The following CCDC90B variants were observed in gnomAD, a reference collection of about 807,000 sequenced individuals.
CCDC90B encodes the protein coiled-coil domain-containing protein 90B, mitochondrial.
A neutral mutation model predicts 37.0 loss-of-function variants in CCDC90B; 24 were observed. The observed-to-expected ratio is 0.65, with a 90% CI of 0.47 to 0.91. The LOEUF (loss-of-function observed/expected upper bound fraction) is 0.91, where lower values mean the gene tolerates loss of function less well. CCDC90B is among the 40% of genes least tolerant of loss of function. The pLI is 0.00. For synonymous variants in CCDC90B, 113 were observed against 101.1 expected (o/e 1.12, Z -0.71); for missense variants, 319 against 299.0 (o/e 1.07, Z -0.49).
At chr11:83,264,082 G>A (rs1275250113) in intron 8 of CCDC90B, among the ~76,000 whole-genome samples, 1 of 151,866 alleles carries the variant, frequency 6.6e-6, no homozygotes, top group Non-Finnish European at 1.5e-5. Context: ...ACTAGCACAG[G>A]GCCACCAAGA....
intron 8 of CCDC90B, among the ~76,000 whole-genome samples, chr11:83,263,923 A>T (rs547280468): frequency 6.6e-6 from 1 of 152,210 alleles, no homozygotes. Context: ...TGGCACCTCA[A>T]CATCAGTAGT....
At chr11:83,271,867 A>G (rs1864695442) in intron 7 of CCDC90B, among the ~76,000 whole-genome samples, 1 of 152,222 alleles carries the variant, frequency 6.6e-6, no homozygotes, top group Non-Finnish European at 1.5e-5. Flanking sequence ...AACCAACCCA[A>G]ATGTTCATCA....
At chr11:83,263,821 T>A (rs1195546331) in intron 8 of CCDC90B, among the ~76,000 whole-genome samples, 1 of 152,194 alleles carries the variant, frequency 6.6e-6, no homozygotes, top group Non-Finnish European at 1.5e-5. Flanking sequence ...AAAGAGTAAG[T>A]TCTGATTCCA....
Position 83,282,177 on chromosome 11 carries a change from A to C in CCDC90B, c.101-1917T>G, listed in dbSNP as rs528973727. On this transcript the variant is annotated intron_variant, in intron 1 of 8. Transcript: ENST00000529689. ...AAAAACAAAACCCAAAAACCCTGGC[A>C]ATACTAAGTATTGGTTGTTTGCCCT... Among the ~76,000 whole-genome samples, 3 of 152,358 alleles carry C rather than the reference A, an allele frequency of 2.0e-5. No homozygotes were observed. The South Asian group carries it at 6.2e-4, about 32-fold the overall frequency.
At chr11:83,284,729 C>T (rs1865579557) in intron 1 of CCDC90B, among the ~76,000 whole-genome samples, 1 of 152,220 alleles carries the variant, frequency 6.6e-6, no homozygotes, top group Non-Finnish European at 1.5e-5. Context: ...TATGTTAAAA[C>T]ATTAACATGT....
chr11:83,274,916 C>T (rs573871), intron 3 of CCDC90B, among the ~76,000 whole-genome samples, 176 bp from the exon 4 acceptor site: 67,979 of 151,744 alleles, frequency 0.45, 15,771 homozygotes, highest in African/African-American at 0.57. Flanking sequence ...GAAAGAGATT[C>T]AAGGAAGAAA....
At chr11:83,268,545 CAAG>C (rs1304760431) in intron 7 of CCDC90B, among the ~76,000 whole-genome samples, 2 of 152,014 alleles carry the variant, frequency 1.3e-5, no homozygotes. Flanking sequence ...ATCAATTCAA[CAAG>C]AAGAGCTAAT....
chr11:83,278,943 A>G (rs1404845907), intron 2 of CCDC90B, 114 bp from the exon 3 acceptor site: 1 of 605,494 alleles, frequency 1.7e-6, no homozygotes, highest in Non-Finnish European at 2.9e-6. Flanking sequence ...AATAATGGTT[A>G]CAATTAAAAA....
intron 7 of CCDC90B, among the ~76,000 whole-genome samples, chr11:83,268,021 G>A (rs191174472): frequency 1.1e-3 from 162 of 152,254 alleles, no homozygotes; most frequent in African/African-American, 3.7e-3. Context: ...ATAAGTGAAG[G>A]AGAAATAAAA....
intron 7 of CCDC90B, 23 bp downstream of exon 7, chr11:83,273,624 G>C (rs757482484): frequency 1.9e-6 from 3 of 1,541,758 alleles, no homozygotes; most frequent in Non-Finnish European, 2.6e-6. Flanking sequence ...GTACAAAAGA[G>C]ACATTTTTAC....
At chr11:83,274,599 A>G (rs745327362) in intron 4 of CCDC90B, 40 bp downstream of exon 4, 7 of 1,197,314 alleles carry the variant, frequency 5.8e-6, no homozygotes, top group Non-Finnish European at 8.5e-6. Flanking sequence ...TTATTATGAG[A>G]TCAGTTATTT....
intron 1 of CCDC90B, among the ~76,000 whole-genome samples, chr11:83,282,319 T>C (rs532919494): frequency 1.3e-5 from 2 of 152,352 alleles, no homozygotes; most frequent in South Asian, 2.1e-4. Context: ...TTCTACTGAA[T>C]GCACACTGTT....
intron 4 of CCDC90B, 41 bp downstream of exon 4, chr11:83,274,595 TGAG>T: frequency 8.7e-7 from 1 of 1,150,958 alleles, no homozygotes; most frequent in Non-Finnish European, 1.3e-6. Flanking sequence ...ATGCTTATTA[TGAG>T]ATCAGTTATT....
Position 83,259,249 on chromosome 11 carries a change from A to C in CCDC90B, c.*2662T>G, listed in dbSNP as rs1863830649. On this transcript the variant is annotated 3_prime_UTR_variant, in exon 9 of 9. Transcript: ENST00000529689. The stretch of plus-strand genomic sequence containing the variant: ...GTGCTGGAATAGAGGTATAGTTTTA[A>C]GGCATATAGAAACACAATCCTCTCA... 1 of 152,176 alleles carries C rather than the reference A, an allele frequency of 6.6e-6. No homozygotes were observed. Among genetic ancestry groups the C allele is most frequent in the Non-Finnish European group, 1.5e-5 (1 of 68,030 alleles). 9.4% of individuals were successfully genotyped at this position (152,176 alleles called of 1,614,324 possible). A position where few individuals can be genotyped will look rare whatever the true frequency, so the allele number is the denominator to read the frequency against.
chr11:83,282,092 A>C (rs1390207638), intron 1 of CCDC90B, among the ~76,000 whole-genome samples: 3 of 152,202 alleles, frequency 2.0e-5, no homozygotes, highest in African/African-American at 7.2e-5. Context: ...ACTTTATAAT[A>C]AAGTGTTGAA....
chr11:83,274,670 C>T lies in CCDC90B; in HGVS notation c.395G>A (p.Ser132Asn), dbSNP rs1193659639. ...CTCTGCTCTCAGATTTGCAAATTCACTTTTCTCTAGGATGACCATGTCTTT... is the reference window on the plus strand; with the variant it reads ...CTCTGCTCTCAGATTTGCAAATTCATTTTTCTCTAGGATGACCATGTCTTT... ...IRKDMVILEK[S>N]EFANLRAENE... The change falls in exon 4 of 9, where the codon AGT becomes AAT. Residue 132 changes from serine to asparagine, a missense_variant. Ser to Asn is a conservative substitution (Grantham distance 46). Transcript: ENST00000529689. 1 of 1,608,726 alleles carries T rather than the reference C, an allele frequency of 6.2e-7. No homozygotes were observed. Among genetic ancestry groups the T allele is most frequent in the Non-Finnish European group, 8.5e-7 (1 of 1,177,346 alleles).
chr11:83,266,589 CAA>C (rs1004986463), intron 7 of CCDC90B, among the ~76,000 whole-genome samples: 3 of 152,196 alleles, frequency 2.0e-5, no homozygotes, highest in African/African-American at 7.2e-5. Flanking sequence ...AGTAGGTAAA[CAA>C]AGTGGCAGGG....
rs1173880457 is a variant in CCDC90B at position 83,261,590 on chromosome 11, G to C, written c.*321C>G. On this transcript the variant is annotated 3_prime_UTR_variant, in exon 9 of 9. Transcript: ENST00000529689. ...AACCAATACCCACAAAATCCTGTAT[G>C]ATTTACACAACTGTTCAAGCAAACA... 5.3e-6 allele frequency: 1 copy of C among 188,974 alleles called. No homozygotes were observed. The highest frequency in any genetic ancestry group is 1.1e-5 in the Non-Finnish European group (1 of 92,552). 11.7% of individuals were successfully genotyped at this position (188,974 alleles called of 1,614,324 possible). A position where few individuals can be genotyped will look rare whatever the true frequency, so the allele number is the denominator to read the frequency against.
intron 7 of CCDC90B, 90 bp downstream of exon 7, chr11:83,273,557 A>G: frequency 9.8e-7 from 1 of 1,024,684 alleles, no homozygotes. Context: ...GTAGTTTTTA[A>G]AAGTCTAAAC....
Sources: gnomAD v4.1 joint callset for allele counts (sites outside exome capture counted in the v4.1 genomes callset) on GRCh38, gnomAD v4.1.1 for gene constraint, MANE v1.5 for transcripts, NCBI Gene and HGNC (gene_info 2026-07-23, HGNC 2026-07-21) for gene names.